SLC1A2: variants seen among roughly 807,000 people sequenced by gnomAD.
SLC1A2 encodes the protein excitatory amino acid transporter 2.
A neutral mutation model predicts 48.8 loss-of-function variants in SLC1A2; 15 were observed. The observed-to-expected ratio is 0.31, with a 90% CI of 0.21 to 0.47. The LOEUF is 0.47. Among genes scored for constraint, SLC1A2 ranks in the 20% least tolerant of loss-of-function variants. The probability of loss-of-function intolerance (pLI) is 0.99; values close to 1 mark genes in which losing one functional copy is unlikely to be tolerated. For missense variants in SLC1A2, 502 were observed against 730.5 expected, an observed-to-expected ratio of 0.69 and a Z score of 3.61; for synonymous variants, 279 against 272.6, an observed-to-expected ratio of 1.02 and a Z score of -0.23.
At chr11:35,401,446 CT>C (rs1298661796) in intron 1 of SLC1A2, among the ~76,000 whole-genome samples, 3 of 152,086 alleles carry the variant, frequency 2.0e-5, no homozygotes, top group Non-Finnish European at 2.9e-5. Flanking sequence ...GTCTTAAGGT[CT>C]CTTTTAATGT....
chr11:35,311,420 G>A (rs745627732), intron 4 of SLC1A2, among the ~76,000 whole-genome samples: 2 of 152,212 alleles, frequency 1.3e-5, no homozygotes, highest in Admixed American at 6.5e-5. Flanking sequence ...TCGGCCTCTC[G>A]AAGTGCTGGG....
intron 2 of SLC1A2, chr11:35,315,808 A>AAAAAAAAAAAAAAAG (rs371762829): frequency 7.2e-6 from 1 of 139,368 alleles, no homozygotes; most frequent in Non-Finnish European, 1.5e-5. Flanking sequence ...AAAAAAAAAA[A>AAAAAAAAAAAAAAAG]AAAGAAAGAA....
chr11:35,316,372 ATTTTTTTTCTTCTG>A (rs1565237658), intron 2 of SLC1A2: 2 of 152,238 alleles, frequency 1.3e-5, no homozygotes, highest in East Asian at 1.9e-4. Flanking sequence ...TGAAAGCCTG[ATTTTTTTTCTTCTG>A]CAGGTAAAAA....
chr11:35,389,626 A>T (rs774838797), intron 1 of SLC1A2, among the ~76,000 whole-genome samples: 8 of 151,958 alleles, frequency 5.3e-5, no homozygotes, highest in Non-Finnish European at 1.0e-4. Context: ...ACGAGCCACT[A>T]TGTCTGGCTA....
chr11:35,307,629 A>C (rs1195905461), intron 4 of SLC1A2, among the ~76,000 whole-genome samples: 1 of 152,220 alleles, frequency 6.6e-6, no homozygotes, highest in African/African-American at 2.4e-5. Context: ...GATGTACGGG[A>C]AAGTCAAGTG....
At position 35,302,544 on chromosome 11, in the gene SLC1A2, G is replaced by A. The variant is rs569587179; in HGVS notation, c.731-899C>T. Among the ~76,000 whole-genome samples the A allele has an allele frequency of 1.1e-4, 16 of 152,220 alleles. No homozygotes were observed. In the South Asian group the frequency reaches 3.3e-3, roughly 32 times the overall value. The stretch of plus-strand genomic sequence containing the variant: ...CTTCATCTCTGCCCTCTTCATGTCA[G>A]CATCACATTGCACTAGGTCTTGGAC... On this transcript the variant is annotated intron_variant, in intron 5 of 10. Coordinates refer to ENST00000278379, the MANE Select transcript of SLC1A2 (RefSeq NM_004171.4).
At chr11:35,360,035 T>C in intron 1 of SLC1A2, 5 of 978,640 alleles carry the variant, frequency 5.1e-6, no homozygotes, top group Non-Finnish European at 6.1e-6. Context: ...CCATCCAAGA[T>C]TTCTGACCTG....
chr11:35,348,926 G>A (rs1224688101), intron 1 of SLC1A2, among the ~76,000 whole-genome samples: 2 of 148,820 alleles, frequency 1.3e-5, no homozygotes, highest in African/African-American at 4.9e-5. Flanking sequence ...CAGAGAAATT[G>A]AGGGAATCAT....
chr11:35,320,108 C>A (rs1852007812), intron 1 of SLC1A2, among the ~76,000 whole-genome samples: 1 of 152,104 alleles, frequency 6.6e-6, no homozygotes, highest in Admixed American at 6.5e-5. Flanking sequence ...TATAGTATAG[C>A]ATGATAGAAT....
intron 1 of SLC1A2, among the ~76,000 whole-genome samples, chr11:35,369,287 G>A (rs1016958056): frequency 1.3e-5 from 2 of 152,148 alleles, no homozygotes; most frequent in African/African-American, 4.8e-5. Context: ...AACTCGAGGT[G>A]AGGGAAGGTG....
chr11:35,259,553 A>T lies in SLC1A2; in HGVS notation c.*1341T>A, dbSNP rs10742339. 49,528 of 152,220 alleles carry T rather than the reference A, an allele frequency of 0.33. 9,285 individuals are homozygous for T. The highest frequency in any genetic ancestry group is 0.53 in the South Asian group (2,581 of 4,826). 9.4% of individuals were successfully genotyped at this position (152,220 alleles called of 1,614,324 possible). A position where few individuals can be genotyped will look rare whatever the true frequency, so the allele number is the denominator to read the frequency against. Reference sequence around the variant, plus strand: ...CTGTGCTACACCAATTATATTATTTATTCCTTAAAACTTCACAGCCTTAAA... The same window carrying T: ...CTGTGCTACACCAATTATATTATTTTTTCCTTAAAACTTCACAGCCTTAAA... On this transcript the variant is annotated 3_prime_UTR_variant, in exon 11 of 11. Coordinates refer to ENST00000278379, the MANE Select transcript of SLC1A2 (RefSeq NM_004171.4).
chr11:35,322,602 C>T, intron 1 of SLC1A2: 1 of 1,535,138 alleles, frequency 6.5e-7, no homozygotes, highest in Non-Finnish European at 8.7e-7. Flanking sequence ...CTCCCTGGCC[C>T]CAGGCTTCAG....
intron 1 of SLC1A2, among the ~76,000 whole-genome samples, chr11:35,397,796 G>T (rs145522825): frequency 6.6e-6 from 1 of 152,186 alleles, no homozygotes; most frequent in East Asian, 1.9e-4. Flanking sequence ...TGAGGAAGTG[G>T]GCACTCACTA....
chr11:35,385,534 T>C (rs1332658522), intron 1 of SLC1A2, among the ~76,000 whole-genome samples: 1 of 152,188 alleles, frequency 6.6e-6, no homozygotes, highest in Non-Finnish European at 1.5e-5. Context: ...TCAAATGTTC[T>C]TTCTCAGAAC....
intron 6 of SLC1A2, among the ~76,000 whole-genome samples, chr11:35,294,580 A>G (rs1223727347): frequency 6.6e-6 from 1 of 152,222 alleles, no homozygotes. Flanking sequence ...CAAGAGATCA[A>G]TTCTTTCCCA....
chr11:35,418,342 A>T (rs1022688315), intron 1 of SLC1A2: 3 of 152,414 alleles, frequency 2.0e-5, no homozygotes, highest in African/African-American at 7.2e-5. Context: ...CCCTTGTCCC[A>T]AACCACACGT....
chr11:35,401,718 C>G (rs1855146405), intron 1 of SLC1A2, among the ~76,000 whole-genome samples: 1 of 152,000 alleles, frequency 6.6e-6, no homozygotes, highest in African/African-American at 2.4e-5. Context: ...TCCCTTTATC[C>G]ACGTACCTAC....
chr11:35,262,311 T>C (rs2134593972), intron 10 of SLC1A2, among the ~76,000 whole-genome samples: 1 of 152,276 alleles, frequency 6.6e-6, no homozygotes, highest in South Asian at 2.1e-4. Flanking sequence ...AGACAGCACT[T>C]GGGGGGAAGT....
chr11:35,296,243 G>A (rs1262936205), intron 6 of SLC1A2, among the ~76,000 whole-genome samples: 1 of 152,116 alleles, frequency 6.6e-6, no homozygotes, highest in Non-Finnish European at 1.5e-5. Flanking sequence ...GTAAGCTGAG[G>A]GACTTTCTCA....
Sources: allele counts gnomAD v4.1 joint callset (sites outside exome capture counted in the v4.1 genomes callset), GRCh38; gene constraint gnomAD v4.1.1; transcripts MANE v1.5; gene names NCBI Gene and HGNC (gene_info 2026-07-23, HGNC 2026-07-21).